NAV3: variants seen among roughly 807,000 people sequenced by gnomAD.
NAV3 encodes pore membrane and/or filament interacting like protein 1.
NAV3 carries 87 observed loss-of-function variants against 244.7 expected under a neutral mutation model. That is an observed-to-expected ratio of 0.36 (90% confidence interval 0.30 to 0.42). The LOEUF is 0.42. NAV3 is among the 20% of genes least tolerant of loss of function. The pLI is 1.00. For missense variants in NAV3, 2,663 were observed against 2,893.3 expected, an observed-to-expected ratio of 0.92 and a Z score of 1.83; for synonymous variants, 1,126 against 1,042.2, an observed-to-expected ratio of 1.08 and a Z score of -1.55.
intron 7 of NAV3, among the ~76,000 whole-genome samples, chr12:78,005,851 AATTAT>A (rs1280105971): frequency 6.6e-6 from 1 of 152,230 alleles, no homozygotes; most frequent in Non-Finnish European, 1.5e-5. Context: ...CAGTTAGCAT[AATTAT>A]ATTTGTAATA....
intron 1 of NAV3, among the ~76,000 whole-genome samples, chr12:77,937,706 A>T (rs947322686): frequency 3.3e-5 from 5 of 152,192 alleles, no homozygotes; most frequent in Admixed American, 3.3e-4. Context: ...TGATAGGAGT[A>T]GTGTCAGAAG....
At chr12:78,010,610 A>G (rs1157176931) in intron 8 of NAV3, among the ~76,000 whole-genome samples, 2 of 152,138 alleles carry the variant, frequency 1.3e-5, no homozygotes, top group Non-Finnish European at 2.9e-5. Context: ...TATGTGACAG[A>G]AATAAGAGGT....
At chr12:77,711,979 A>G (rs1347685101) in intron 2 of NAV3, among the ~76,000 whole-genome samples, 1 of 151,998 alleles carries the variant, frequency 6.6e-6, no homozygotes, top group Non-Finnish European at 1.5e-5. Context: ...TTTTCTCAAA[A>G]CCCACAACTT....
intron 3 of NAV3, among the ~76,000 whole-genome samples, chr12:77,962,991 G>A (rs1004159736): frequency 6.6e-6 from 1 of 151,740 alleles, no homozygotes; most frequent in African/African-American, 2.4e-5. Flanking sequence ...CAAATTTTTG[G>A]TGTTAAAATA....
At chr12:77,728,549 A>G (rs1399227927) in intron 2 of NAV3, among the ~76,000 whole-genome samples, 2 of 151,926 alleles carry the variant, frequency 1.3e-5, no homozygotes, top group African/African-American at 4.8e-5. Context: ...ATGATATAAA[A>G]CACATCAATA....
At chr12:78,153,650 C>A (rs1220953549) in intron 22 of NAV3, among the ~76,000 whole-genome samples, 1 of 152,010 alleles carries the variant, frequency 6.6e-6, no homozygotes. Context: ...GAAATGGACA[C>A]AAGGCTAGTT....
chr12:77,633,415 G>T (rs769245792), intron 2 of NAV3, among the ~76,000 whole-genome samples: 1 of 151,972 alleles, frequency 6.6e-6, no homozygotes, highest in Non-Finnish European at 1.5e-5. Context: ...TATATCAAGT[G>T]TTATTCTTGA....
chr12:77,803,600 G>T (rs906614696), intron 2 of NAV3, among the ~76,000 whole-genome samples: 2 of 152,174 alleles, frequency 1.3e-5, no homozygotes, highest in African/African-American at 4.8e-5. Context: ...GTGTGCCTGT[G>T]TCTTTGTAGT....
intron 9 of NAV3, among the ~76,000 whole-genome samples, chr12:78,030,191 T>C (rs915013496): frequency 6.6e-6 from 1 of 152,198 alleles, no homozygotes. Flanking sequence ...ATATTAAGCC[T>C]GTAATAGAAT....
intron 2 of NAV3, among the ~76,000 whole-genome samples, chr12:77,576,772 T>G (rs1869106124): frequency 6.6e-6 from 1 of 152,064 alleles, no homozygotes; most frequent in East Asian, 1.9e-4. Context: ...AAAGAAAGTT[T>G]AGTGAGGATA....
In NAV3 at chr12:77,923,673, A is replaced by T. The variant is rs1021598166; in HGVS notation, c.244-16646A>T. 5.9e-5 allele frequency among the ~76,000 whole-genome samples: 9 copies of T among 151,730 alleles called. No homozygotes were observed. The South Asian group carries it at 1.0e-3, about 18-fold the overall frequency. On this transcript the variant is annotated intron_variant, in intron 1 of 39. Coordinates refer to ENST00000397909, the MANE Select transcript of NAV3 (RefSeq NM_001024383.2). ...TCAGTACCTAGTTCATTTTAATAAT[A>T]AAAAAAAGGTTATATGAAGTTCCAA...
chr12:77,803,830 T>G (rs929620576), intron 2 of NAV3, among the ~76,000 whole-genome samples: 2 of 152,246 alleles, frequency 1.3e-5, no homozygotes, highest in Admixed American at 6.5e-5. Flanking sequence ...CTAACTGGCC[T>G]GAGATGGTAT....
rs896758059 is a variant in NAV3 at position 78,074,215 on chromosome 12, A to G, written c.2636+15100A>G. On this transcript the variant is annotated intron_variant, in intron 12 of 39. Coordinates refer to ENST00000397909, the MANE Select transcript of NAV3 (RefSeq NM_001024383.2). ...AGGCTTGGGAATTTTAGGATCAAAT[A>G]GTAGAACACAGTGCCTATTCTTGGA... is the stretch of plus-strand genomic sequence containing the variant. 2.6e-5 allele frequency among the ~76,000 whole-genome samples: 4 copies of G among 152,194 alleles called. No homozygotes were observed. The East Asian group carries it at 5.8e-4, about 22-fold the overall frequency.
chr12:77,996,385 T>C (rs1376772637), intron 6 of NAV3, among the ~76,000 whole-genome samples: 1 of 152,218 alleles, frequency 6.6e-6, no homozygotes, highest in Admixed American at 6.5e-5. Flanking sequence ...AAAAGTTAAA[T>C]GCTGGAATCA....
intron 1 of NAV3, among the ~76,000 whole-genome samples, chr12:77,925,252 G>GT (rs1290820324): frequency 3.3e-5 from 5 of 152,034 alleles, no homozygotes; most frequent in Non-Finnish European, 5.9e-5. Context: ...ATAGGAATAG[G>GT]TTTATAAGAA....
At chr12:77,915,573 T>C (rs2370044) in intron 1 of NAV3, among the ~76,000 whole-genome samples, 13 of 151,942 alleles carry the variant, frequency 8.6e-5, no homozygotes, top group Middle Eastern at 3.4e-3. Context: ...ATCTAGATAG[T>C]ATATTATTAG....
rs191236539 is a variant in NAV3 at position 78,177,729 on chromosome 12, C to G, written c.5363+44C>G. The G allele has an allele frequency of 9.4e-5, 145 of 1,549,594 alleles. No homozygotes were observed. The African/African-American group carries it at 1.9e-3, about 20-fold the overall frequency. Reference sequence around the variant, plus strand: ...CATGAATACTGCAAAGATCCAGGTTCTAACCTAAGTAGTGTTTGCTTTTGC... The same window carrying G: ...CATGAATACTGCAAAGATCCAGGTTGTAACCTAAGTAGTGTTTGCTTTTGC... On this transcript the variant is annotated intron_variant, in intron 28 of 39. Transcript: ENST00000397909.
chr12:77,776,746 C>T (rs972602192), intron 2 of NAV3, among the ~76,000 whole-genome samples: 5 of 152,062 alleles, frequency 3.3e-5, no homozygotes, highest in African/African-American at 7.2e-5. Flanking sequence ...GCAGGGAGGC[C>T]GAGGTGGGCG....
At chr12:78,139,723 T>A (rs1956525147) in intron 19 of NAV3, among the ~76,000 whole-genome samples, 1 of 151,060 alleles carries the variant, frequency 6.6e-6, no homozygotes, top group Non-Finnish European at 1.5e-5. Flanking sequence ...GACATCACCT[T>A]GAAAAAAAAA....
Sources: allele counts gnomAD v4.1 joint callset (sites outside exome capture counted in the v4.1 genomes callset), GRCh38; gene constraint gnomAD v4.1.1; transcripts MANE v1.5; gene names NCBI Gene and HGNC (gene_info 2026-07-23, HGNC 2026-07-21).